The following GFRA1 variants were observed in gnomAD, a reference collection of about 807,000 sequenced individuals.
The protein encoded by GFRA1 is GDNF family receptor alpha 1.
A neutral mutation model predicts 51.6 loss-of-function variants in GFRA1; 16 were observed. The observed-to-expected ratio is 0.31, with a 90% CI of 0.21 to 0.47. The LOEUF (loss-of-function observed/expected upper bound fraction) is 0.47, where lower values mean the gene tolerates loss of function less well. GFRA1 is among the 20% of genes least tolerant of loss of function. The pLI, the probability that GFRA1 is intolerant of heterozygous loss-of-function variation, is 1.00. For missense variants in GFRA1, 530 were observed against 594.3 expected (o/e 0.89, Z 1.13); for synonymous variants, 270 against 241.3 (o/e 1.12, Z -1.10).
At chr10:116,123,639 G>T (rs867224614) in intron 6 of GFRA1, among the ~76,000 whole-genome samples, 17 of 152,192 alleles carry the variant, frequency 1.1e-4, no homozygotes, top group African/African-American at 3.4e-4. Context: ...TAGGAAACAA[G>T]TACATGGTCA....
chr10:116,246,330 CTGAAGCAGGAGAATCGCT>C (rs1025346889), intron 4 of GFRA1, among the ~76,000 whole-genome samples: 2 of 152,144 alleles, frequency 1.3e-5, no homozygotes, highest in African/African-American at 4.8e-5. Context: ...ACTCAGGAGA[CTGAAGCAGGAGAATCGCT>C]TGAACCCGGG....
intron 4 of GFRA1, among the ~76,000 whole-genome samples, chr10:116,223,502 C>T (rs781056631): frequency 2.6e-5 from 4 of 152,210 alleles, no homozygotes; most frequent in Non-Finnish European, 4.4e-5. Context: ...TGGCTCCTCT[C>T]TCTCCATCGT....
chr10:116,198,671 T>C (rs553627244), intron 5 of GFRA1, among the ~76,000 whole-genome samples: 64 of 152,274 alleles, frequency 4.2e-4, no homozygotes, highest in African/African-American at 1.5e-3. Context: ...TCCTTTTCTA[T>C]CTTCCTCAGG....
intron 9 of GFRA1, among the ~76,000 whole-genome samples, chr10:116,076,154 A>G (rs1271312934): frequency 1.3e-5 from 2 of 151,866 alleles, no homozygotes; most frequent in Admixed American, 6.5e-5. Flanking sequence ...ACATAGTACT[A>G]ACATAGTACT....
At position 116,149,883 on chromosome 10, in the gene GFRA1, G is replaced by C. The variant is rs145308521; in HGVS notation, c.434-24326C>G. 3.7e-3 allele frequency among the ~76,000 whole-genome samples: 564 copies of C among 152,210 alleles called. 4 individuals are homozygous for C. Among genetic ancestry groups the C allele is most frequent in the African/African-American group, 0.013 (540 of 41,534 alleles). On this transcript the variant is annotated intron_variant, in intron 5 of 10. Transcript: ENST00000355422. ...CTTGAAATCAGGGTACCAAGGGATG[G>C]GAGAGACTCATGCAGAAACGCTCCT...
intron 5 of GFRA1, among the ~76,000 whole-genome samples, chr10:116,150,637 C>T (rs1218762376): frequency 6.6e-6 from 1 of 152,202 alleles, no homozygotes; most frequent in African/African-American, 2.4e-5. Flanking sequence ...TTTTGCATCA[C>T]TCTAGTATAT....
chr10:116,269,619 G>T lies in GFRA1; in HGVS notation c.335-33C>A, dbSNP rs1358710811. 7.8e-6 allele frequency: 10 copies of T among 1,275,538 alleles called. No homozygotes were observed. The South Asian group carries it at 9.5e-5, about 12-fold the overall frequency. The allele number at this position is 1,275,538 out of a possible 1,614,324, so 79.0% of individuals were successfully genotyped here. ...CAACAGAAAGATTGGGCTCAGATCA[G>T]AAAAACATATATTTCAAGCAGGTTT... On this transcript the variant is annotated intron_variant, in intron 3 of 10. Coordinates refer to ENST00000355422, the MANE Select transcript of GFRA1 (RefSeq NM_005264.8).
intron 6 of GFRA1, among the ~76,000 whole-genome samples, chr10:116,103,786 T>C (rs1202120326): frequency 6.6e-6 from 1 of 152,220 alleles, no homozygotes; most frequent in Admixed American, 6.6e-5. Flanking sequence ...TTTAGAAAAT[T>C]ACCTTAGCCC....
chr10:116,121,874 A>G (rs1957660570), intron 6 of GFRA1, among the ~76,000 whole-genome samples: 1 of 152,198 alleles, frequency 6.6e-6, no homozygotes, highest in African/African-American at 2.4e-5. Flanking sequence ...TAGAACAACA[A>G]CGGCCTCACA....
intron 6 of GFRA1, among the ~76,000 whole-genome samples, chr10:116,112,448 G>A (rs1364930157): frequency 6.6e-6 from 1 of 152,156 alleles, no homozygotes; most frequent in Non-Finnish European, 1.5e-5. Context: ...AGCAGAGGGG[G>A]GCTGCCCCTG....
At chr10:116,134,418 A>G (rs1958232143) in intron 5 of GFRA1, among the ~76,000 whole-genome samples, 1 of 152,208 alleles carries the variant, frequency 6.6e-6, no homozygotes, top group African/African-American at 2.4e-5. Context: ...GCAAGCTCAC[A>G]GTGACAGTCT....
rs537458082 is a variant in GFRA1 at position 116,222,606 on chromosome 10, G to T, written c.419-10961C>A. On this transcript the variant is annotated intron_variant, in intron 4 of 10. Transcript: ENST00000355422. ...GGGGCAACAGTGATATGGGGCTGTT[G>T]TGAAGATTACAGGAAATCAAGCTAA... 5.9e-5 allele frequency among the ~76,000 whole-genome samples: 9 copies of T among 152,320 alleles called. No homozygotes were observed. The South Asian group carries it at 6.2e-4, about 11-fold the overall frequency.
intron 5 of GFRA1, among the ~76,000 whole-genome samples, chr10:116,195,740 C>T (rs186003209): frequency 1.3e-5 from 2 of 152,186 alleles, no homozygotes; most frequent in East Asian, 3.9e-4. Context: ...TAAGAGAAAT[C>T]AGCATTTGGG....
intron 4 of GFRA1, among the ~76,000 whole-genome samples, chr10:116,239,156 T>C (rs1967147214): frequency 6.6e-6 from 1 of 152,258 alleles, no homozygotes; most frequent in Non-Finnish European, 1.5e-5. Context: ...TTTATATTTT[T>C]GGTTCTTCCT....
intron 4 of GFRA1, among the ~76,000 whole-genome samples, chr10:116,252,745 A>G (rs950126946): frequency 6.6e-6 from 1 of 152,164 alleles, no homozygotes; most frequent in African/African-American, 2.4e-5. Flanking sequence ...AACTTCTATC[A>G]CTGTGACTGG....
chr10:116,270,616 T>A (rs1843828287), intron 3 of GFRA1, among the ~76,000 whole-genome samples: 1 of 152,026 alleles, frequency 6.6e-6, no homozygotes, highest in African/African-American at 2.4e-5. Flanking sequence ...GCCCCCGTCC[T>A]CCTCATGGGT....
intron 7 of GFRA1, among the ~76,000 whole-genome samples, chr10:116,096,331 CCAAA>C (rs1344844743): frequency 6.6e-6 from 1 of 152,088 alleles, no homozygotes; most frequent in Non-Finnish European, 1.5e-5. Flanking sequence ...TCTTCCATAA[CCAAA>C]CATTTTTTCT....
chr10:116,271,694 G>A lies in GFRA1; in HGVS notation c.40+296C>T, dbSNP rs186600359. 1.1e-3 allele frequency among the ~76,000 whole-genome samples: 163 copies of A among 152,300 alleles called. 3 individuals are homozygous for A. The East Asian group carries it at 0.03, about 28-fold the overall frequency. On this transcript the variant is annotated intron_variant, in intron 2 of 10. Coordinates refer to ENST00000355422, the MANE Select transcript of GFRA1 (RefSeq NM_005264.8). ...CCCGCCGCGGCTCCGCGAGCTCCCAGAGACTCTCTGGGGGTGCAGGGCCCT... is the reference window on the plus strand; with the variant it reads ...CCCGCCGCGGCTCCGCGAGCTCCCAAAGACTCTCTGGGGGTGCAGGGCCCT...
At chr10:116,273,665 C>T (rs368337608), upstream of GFRA1, among the ~76,000 whole-genome samples, 1 of 57,210 alleles carries the variant, frequency 1.7e-5, no homozygotes, top group Non-Finnish European at 4.7e-5. Context: ...CTCTCTCTCT[C>T]TCTCTGTCTC....
Sources: allele counts gnomAD v4.1 joint callset (sites outside exome capture counted in the v4.1 genomes callset), GRCh38; gene constraint gnomAD v4.1.1; transcripts MANE v1.5; gene names NCBI Gene and HGNC (gene_info 2026-07-23, HGNC 2026-07-21).